TMA7: variants seen among roughly 807,000 people sequenced by gnomAD.
TMA7 encodes translation machinery-associated protein 7.
A neutral mutation model predicts 12.5 loss-of-function variants in TMA7; 5 were observed. That is an observed-to-expected ratio of 0.40 (90% CI 0.21 to 0.84). The LOEUF (loss-of-function observed/expected upper bound fraction) is 0.84. Among genes scored for constraint, TMA7 ranks in the 40% least tolerant of loss-of-function variants. The pLI, the probability that TMA7 is intolerant of heterozygous loss-of-function variation, is 0.36. For synonymous variants in TMA7, 36 were observed against 28.1 expected (o/e 1.28, Z -0.89); for missense variants, 71 against 75.4 (o/e 0.94, Z 0.22).
At chr3:48,442,264 A>C (rs904728599) in intron 3 of TMA7, among the ~76,000 whole-genome samples, 1 of 141,746 alleles carries the variant, frequency 7.1e-6, no homozygotes, top group Non-Finnish European at 1.5e-5. Context: ...CTATCTCAAA[A>C]AAAAAAAAAA....
At chr3:48,440,510 C>T (rs911885336) in intron 2 of TMA7, 31 bp from the exon 3 acceptor site, 3 of 1,605,796 alleles carry the variant, frequency 1.9e-6, no homozygotes, top group African/African-American at 2.7e-5. Context: ...GGGAGACAGG[C>T]CTGAGTTGAA....
chr3:48,440,683 G>A (rs1230986189), intron 3 of TMA7, 55 bp downstream of exon 3: 1 of 1,508,130 alleles, frequency 6.6e-7, no homozygotes, highest in Non-Finnish European at 9.1e-7. Context: ...GCACCTATTG[G>A]GATGAGGGCG....
At chr3:48,443,345 C>T (rs1236212640) in intron 3 of TMA7, among the ~76,000 whole-genome samples, 1 of 151,000 alleles carries the variant, frequency 6.6e-6, no homozygotes, top group African/African-American at 2.4e-5. Flanking sequence ...GTCAGGAGTT[C>T]GAGACCAGCC....
In TMA7 at chr3:48,440,257, G is replaced by C. The variant is rs1455876878; in HGVS notation, c.-40G>C. 14 of 1,578,242 alleles carry C rather than the reference G, an allele frequency of 8.9e-6. No individual in the cohort carries two copies. The highest frequency in any genetic ancestry group is 1.2e-5 in the Non-Finnish European group (14 of 1,162,962). On this transcript the variant is annotated 5_prime_UTR_variant, in exon 1 of 4. Transcript: ENST00000438607. ...CGACAAAGGGTGGGGCAGACGCTCC[G>C]TTTCCGGTGGCAGGGTCTGGGGAAG... is the stretch of plus-strand genomic sequence containing the variant.
chr3:48,441,781 GCCC>G (rs1321565010), intron 3 of TMA7, among the ~76,000 whole-genome samples: 1 of 152,148 alleles, frequency 6.6e-6, no homozygotes, highest in Non-Finnish European at 1.5e-5. Context: ...AGTTGTTTAT[GCCC>G]CCATTTGAGC....
chr3:48,440,601 G>C lies in TMA7; in HGVS notation c.133G>C (p.Ala45Pro). The C allele has an allele frequency of 6.2e-7, 1 of 1,611,762 alleles. No homozygotes were observed. The highest frequency in any genetic ancestry group is 1.1e-5 in the South Asian group (1 of 90,942). The part of the protein sequence containing the change: ...EEQKKLEELK[A>P]KAAGKGPLAT... ...GCAGAAGAAACTCGAGGAGCTAAAA[G>C]CGAAGGCCGCGGGGAAGGGGCCCTT... Residue 45 changes from alanine (A) to proline (P), a missense_variant, in exon 3 of 4, where the codon GCG becomes CCG. Coordinates refer to ENST00000438607, the MANE Select transcript of TMA7 (RefSeq NM_015933.6).
rs777724168 is a variant in TMA7 at position 48,440,585 on chromosome 3, A to C, written c.117A>C (p.Lys39Asn). The C allele has an allele frequency of 3.2e-5, 52 of 1,611,538 alleles. No homozygotes were observed. Among genetic ancestry groups the C allele is most frequent in the Non-Finnish European group, 4.4e-5 (52 of 1,179,724 alleles). The change falls in exon 3 of 4, where the codon AAA becomes AAC. Residue 39 changes from lysine to asparagine, a missense_variant. Coordinates refer to ENST00000438607, the MANE Select transcript of TMA7 (RefSeq NM_015933.6). ...AGAAACAAAAAGAGGAGCAGAAGAAACTCGAGGAGCTAAAAGCGAAGGCCG... is the reference window on the plus strand; with the variant it reads ...AGAAACAAAAAGAGGAGCAGAAGAACCTCGAGGAGCTAAAAGCGAAGGCCG... ...FKQKQKEEQK[K>N]LEELKAKAAG...
intron 3 of TMA7, 168 bp downstream of exon 3, chr3:48,440,796 G>C (rs1046431220): frequency 2.6e-5 from 17 of 660,430 alleles, no homozygotes; most frequent in Non-Finnish European, 3.7e-5. Flanking sequence ...GCGGCAGTAA[G>C]GGCCGGGAGC....
chr3:48,440,455 C>T lies in TMA7; in HGVS notation c.69C>T (p.Asp23=), dbSNP rs762781672. 23 of 1,612,012 alleles carry T rather than the reference C, an allele frequency of 1.4e-5. No homozygotes were observed. In the Admixed American group the frequency reaches 3.3e-4, roughly 23 times the overall value. The part of the protein sequence containing the change: ...KQPKKQAKEM[D]EEDKAFKQKQ... ...CCAAGAAGCAGGCCAAGGAGATGGA[C>T]GAGGTGAGGGCGGGCGCGGAGGCAC... The change falls in exon 2 of 4, where the codon GAC becomes GAT. Residue 23 remains aspartate, a synonymous_variant. Coordinates refer to ENST00000438607, the MANE Select transcript of TMA7 (RefSeq NM_015933.6).
At chr3:48,443,809 C>A in intron 3 of TMA7, 39 bp from the exon 4 acceptor site, 1 of 1,534,562 alleles carries the variant, frequency 6.5e-7, no homozygotes. Context: ...ACCGTAAGAA[C>A]TATATTTTTC....
intron 3 of TMA7, among the ~76,000 whole-genome samples, chr3:48,441,222 T>G (rs1194244673): frequency 6.6e-6 from 1 of 152,020 alleles, no homozygotes; most frequent in African/African-American, 2.4e-5. Context: ...ATTTTTGTAT[T>G]TTTAGTAGAG....
intron 3 of TMA7, among the ~76,000 whole-genome samples, chr3:48,443,091 T>C (rs1208012800): frequency 6.6e-6 from 1 of 151,368 alleles, no homozygotes; most frequent in African/African-American, 2.4e-5. Flanking sequence ...AATACAAAAA[T>C]TAGCCGGGTA....
Position 48,443,927 on chromosome 3 carries a change from G to T in TMA7, c.*45G>T. ...GAGATGGTGACCCTTTATTTCATCT[G>T]TATTTAAACCTCTCTATTCCCTGCC... On this transcript the variant is annotated 3_prime_UTR_variant, in exon 4 of 4. Coordinates refer to ENST00000438607, the MANE Select transcript of TMA7 (RefSeq NM_015933.6). The T allele has an allele frequency of 7.0e-7, 1 of 1,422,330 alleles. No homozygotes were observed. Among genetic ancestry groups the T allele is most frequent in the Non-Finnish European group, 9.4e-7 (1 of 1,069,472 alleles). The allele number at this position is 1,422,330 out of a possible 1,614,324, so 88.1% of individuals were successfully genotyped here.
At chr3:48,440,368 C>T (rs1350277598) in intron 1 of TMA7, 35 bp from the exon 2 acceptor site, 1 of 1,611,716 alleles carries the variant, frequency 6.2e-7, no homozygotes, top group East Asian at 2.2e-5. Flanking sequence ...GACCGGGCGG[C>T]AGGGGCAGGC....
At chr3:48,440,952 GC>G in intron 3 of TMA7, 1 of 439,998 alleles carries the variant, frequency 2.3e-6, no homozygotes, top group Non-Finnish European at 4.1e-6. Flanking sequence ...GCAATCTTTT[GC>G]CCCAAATTCG....
intron 3 of TMA7, among the ~76,000 whole-genome samples, chr3:48,441,844 T>C (rs2039576994): frequency 6.6e-6 from 1 of 152,198 alleles, no homozygotes; most frequent in Non-Finnish European, 1.5e-5. Context: ...GGGAGTGTCA[T>C]CTAGGGCTTC....
intron 3 of TMA7, among the ~76,000 whole-genome samples, chr3:48,442,102 C>T (rs1319366343): frequency 2.0e-5 from 3 of 151,934 alleles, no homozygotes; most frequent in Admixed American, 6.6e-5. Flanking sequence ...GGTGGCGGCC[C>T]GTTTCCTGTA....
chr3:48,440,878 C>T lies in TMA7; in HGVS notation c.160+250C>T, dbSNP rs2039544973. On this transcript the variant is annotated intron_variant, in intron 3 of 3. Transcript: ENST00000438607. Reference sequence around the variant, plus strand: ...TTAGGAAGAGCTGCAGAAACGGAAACAGTGAAATGTATTTACCTCAGACGC... The same window carrying T: ...TTAGGAAGAGCTGCAGAAACGGAAATAGTGAAATGTATTTACCTCAGACGC... 3 of 575,012 alleles carry T rather than the reference C, an allele frequency of 5.2e-6. No individual in the cohort carries two copies. The South Asian group carries it at 6.4e-5, about 12-fold the overall frequency. 35.6% of individuals were successfully genotyped at this position (575,012 alleles called of 1,614,324 possible).
rs1052073226 is a variant in TMA7 at position 48,440,602 on chromosome 3, C to T, written c.134C>T (p.Ala45Val). 2.5e-6 allele frequency: 4 copies of T among 1,611,642 alleles called. No individual in the cohort carries two copies. Among genetic ancestry groups the T allele is most frequent in the Middle Eastern group, 2.1e-4 (1 of 4,672 alleles). The stretch of plus-strand genomic sequence containing the variant: ...CAGAAGAAACTCGAGGAGCTAAAAG[C>T]GAAGGCCGCGGGGAAGGGGCCCTTG... ...EEQKKLEELKAKAAGKGPLAT... is the reference protein window; with the variant it reads ...EEQKKLEELKVKAAGKGPLAT... The change falls in exon 3 of 4, where the codon GCG becomes GTG. Residue 45 changes from alanine (A) to valine (V), a missense_variant. Physicochemically the swap from Ala to Val is moderately conservative, Grantham distance 64 (BLOSUM62 0). Coordinates refer to ENST00000438607, the MANE Select transcript of TMA7 (RefSeq NM_015933.6).
Sources: allele counts gnomAD v4.1 joint callset (sites outside exome capture counted in the v4.1 genomes callset), GRCh38; gene constraint gnomAD v4.1.1; transcripts MANE v1.5; gene names NCBI Gene and HGNC (gene_info 2026-07-23, HGNC 2026-07-21).